The following SLC22A25 variants were observed in gnomAD, a reference collection of about 807,000 sequenced individuals.
The protein encoded by SLC22A25 is solute carrier family 22 member 25.
In SLC22A25, 44 loss-of-function variants were observed where a neutral mutation model predicts 45.9. That is an observed-to-expected ratio of 0.96 (90% CI 0.75 to 1.23). The LOEUF (loss-of-function observed/expected upper bound fraction) is 1.23. SLC22A25 is among the 50% of genes most tolerant of loss of function. The pLI is 0.00. For missense variants in SLC22A25, 800 were observed against 666.4 expected, an observed-to-expected ratio of 1.20 and a Z score of -2.21; for synonymous variants, 283 against 238.6, an observed-to-expected ratio of 1.19 and a Z score of -1.72.
chr11:63,183,646 C>A (rs190439302), intron 8 of SLC22A25, 48 bp downstream of exon 8: 21 of 1,609,238 alleles, frequency 1.3e-5, no homozygotes, highest in Non-Finnish European at 1.8e-5. Flanking sequence ...GTATAGATGA[C>A]AATTTATGTC....
chr11:63,217,495 A>C lies in SLC22A25; in HGVS notation c.662-13T>G. On this transcript the variant is annotated splice_polypyrimidine_tract_variant and intron_variant, in intron 6 of 11. Coordinates refer to ENST00000306494, the MANE Select transcript of SLC22A25 (RefSeq NM_199352.6). ...ATCCACTCTACAACTGAAAGAAAAC[A>C]CAAACAAGATTTAGCTTTAAATACA... 1 of 1,612,800 alleles carries C rather than the reference A, an allele frequency of 6.2e-7. No individual in the cohort carries two copies. Among genetic ancestry groups the C allele is most frequent in the Non-Finnish European group, 8.5e-7 (1 of 1,179,112 alleles).
intron 7 of SLC22A25, among the ~76,000 whole-genome samples, chr11:63,216,291 G>A (rs746236411): frequency 1.3e-5 from 2 of 152,068 alleles, no homozygotes; most frequent in Non-Finnish European, 2.9e-5. Context: ...AAATTCATTC[G>A]ACCATTGTGG....
chr11:63,181,838 G>A (rs544129216), intron 8 of SLC22A25, among the ~76,000 whole-genome samples: 16 of 152,186 alleles, frequency 1.1e-4, no homozygotes, highest in South Asian at 2.1e-4. Context: ...GGCAAGGTAC[G>A]TGAAGTCATG....
Position 63,228,447 on chromosome 11 carries a change from C to G in SLC22A25, c.506+14G>C. On this transcript the variant is annotated intron_variant, in intron 5 of 11. Transcript: ENST00000306494. ...AAATACCCTTGAAGAGAGCTATGCTCCATAGACACTCACCTGTCTGACAAA... is the reference window on the plus strand; with the variant it reads ...AAATACCCTTGAAGAGAGCTATGCTGCATAGACACTCACCTGTCTGACAAA... 1 of 1,562,152 alleles carries G rather than the reference C, an allele frequency of 6.4e-7. No homozygotes were observed. The highest frequency in any genetic ancestry group is 2.2e-5 in the East Asian group (1 of 44,620).
chr11:63,192,881 G>A (rs1193249706), intron 7 of SLC22A25, among the ~76,000 whole-genome samples: 2 of 152,128 alleles, frequency 1.3e-5, no homozygotes, highest in African/African-American at 4.8e-5. Flanking sequence ...CACACAATAA[G>A]AGTGGGAGAT....
chr11:63,229,337 G>T lies in SLC22A25; in HGVS notation c.316C>A (p.Pro106Thr). The change falls in exon 4 of 12, where the codon CCC becomes ACC. Residue 106 changes from proline to threonine, a missense_variant. Transcript: ENST00000306494. Reference protein sequence around the residue: ...WKLIHLNGTFPNTSEPDTEPC... With the variant: ...WKLIHLNGTFTNTSEPDTEPC... ...TCTGTATCTGGCTCACTCGTGTTGG[G>T]GAAGGTCCCATTCAGATGAATGAGC... 1 of 1,613,404 alleles carries T rather than the reference G, an allele frequency of 6.2e-7. No individual in the cohort carries two copies. Among genetic ancestry groups the T allele is most frequent in the East Asian group, 2.2e-5 (1 of 44,866 alleles).
At position 63,158,856 on chromosome 11, in the gene SLC22A25, A is replaced by C. The variant is rs1488222454; in HGVS notation, c.*4968T>G. On this transcript the variant is annotated 3_prime_UTR_variant, in exon 12 of 12. Transcript: ENST00000306494. ...ATAGTAGATCTTATTCATTCTTTCC[A>C]ACTTCCTTTTTTCCCCCCATTAACT... Among the ~76,000 whole-genome samples the C allele has an allele frequency of 6.6e-6, 1 of 152,068 alleles. No individual in the cohort carries two copies. The highest frequency in any genetic ancestry group is 1.5e-5 in the Non-Finnish European group (1 of 68,008).
intron 9 of SLC22A25, among the ~76,000 whole-genome samples, chr11:63,172,561 C>A (rs1460159786): frequency 6.6e-6 from 1 of 151,406 alleles, no homozygotes; most frequent in Non-Finnish European, 1.5e-5. Context: ...GGTCATCAGA[C>A]AAATGCAAAT....
rs563577636 is a variant in SLC22A25, at chr11:63,229,706, G to A, written c.-54C>T. The A allele has an allele frequency of 1.3e-6, 2 of 1,526,820 alleles. No individual in the cohort carries two copies. The highest frequency in any genetic ancestry group is 1.9e-5 in the Admixed American group (1 of 52,096). 94.6% of individuals were successfully genotyped at this position (1,526,820 alleles called of 1,614,324 possible). A position where few individuals can be genotyped will look rare whatever the true frequency, so the allele number is the denominator to read the frequency against. On this transcript the variant is annotated 5_prime_UTR_variant, in exon 4 of 12. Transcript: ENST00000306494. ...AGACAAAATGACTGTATCCAGATAA[G>A]TTCAAAGAGAAAATATTTCCTTTCC...
At chr11:63,194,275 C>A (rs991503983) in intron 7 of SLC22A25, among the ~76,000 whole-genome samples, 1 of 152,076 alleles carries the variant, frequency 6.6e-6, no homozygotes, top group East Asian at 1.9e-4. Flanking sequence ...CCCAACCTAG[C>A]AAAGCAGGCC....
chr11:63,212,115 G>C lies in SLC22A25; in HGVS notation c.830+5199C>G, dbSNP rs544859895. ...GAGAAATGCAAATCAAAACCACAAT[G>C]AGATACCGTCTCACACCAGTTAGAA... is the stretch of plus-strand genomic sequence containing the variant. On this transcript the variant is annotated intron_variant, in intron 7 of 11. Transcript: ENST00000306494. 2.9e-3 allele frequency among the ~76,000 whole-genome samples: 442 copies of C among 152,204 alleles called. 2 individuals are homozygous for C. Among genetic ancestry groups the C allele is most frequent in the African/African-American group, 0.01 (424 of 41,496 alleles).
intron 7 of SLC22A25, among the ~76,000 whole-genome samples, chr11:63,203,556 C>A (rs1199653362): frequency 1.3e-5 from 2 of 151,518 alleles, no homozygotes; most frequent in Non-Finnish European, 2.9e-5. Context: ...GAAAGTATAT[C>A]AGAGATTGAA....
At chr11:63,227,962 C>A (rs1565122872) in intron 5 of SLC22A25, among the ~76,000 whole-genome samples, 1 of 152,222 alleles carries the variant, frequency 6.6e-6, no homozygotes, top group Non-Finnish European at 1.5e-5. Flanking sequence ...CTTCCTCCCC[C>A]AAGTGCACAG....
chr11:63,189,879 C>G, intron 7 of SLC22A25, among the ~76,000 whole-genome samples: 1 of 152,236 alleles, frequency 6.6e-6, no homozygotes, highest in Non-Finnish European at 1.5e-5. Context: ...GGCCCCCACT[C>G]TCTTCTGGCT....
At chr11:63,177,169 T>C (rs1209865537) in intron 9 of SLC22A25, among the ~76,000 whole-genome samples, 1 of 152,044 alleles carries the variant, frequency 6.6e-6, no homozygotes, top group Non-Finnish European at 1.5e-5. Flanking sequence ...TCAAAATTCT[T>C]TTCTTTTGAT....
In SLC22A25 at chr11:63,229,607, A is replaced by G. The variant is rs1360185288; in HGVS notation, c.46T>C (p.Phe16Leu). 4 of 1,612,846 alleles carry G rather than the reference A, an allele frequency of 2.5e-6. No homozygotes were observed. The highest frequency in any genetic ancestry group is 8.5e-7 in the Non-Finnish European group (1 of 1,179,024). The part of the protein sequence containing the change: ...LLDQVGGLGR[F>L]QILQMVFLIM... ...AGGAAAACCATCTGAAGGATCTGGA[A>G]TCTCCCCAGGCCTCCAACTTGATCT... The change falls in exon 4 of 12, where the codon TTC becomes CTC. Residue 16 changes from phenylalanine (F) to leucine (L), a missense_variant. Coordinates refer to ENST00000306494, the MANE Select transcript of SLC22A25 (RefSeq NM_199352.6).
chr11:63,192,273 C>A (rs981857613), intron 7 of SLC22A25, among the ~76,000 whole-genome samples: 14 of 152,178 alleles, frequency 9.2e-5, no homozygotes, highest in African/African-American at 3.4e-4. Context: ...GATCCCTTTT[C>A]AGACAAGCAA....
rs887567232 is a variant in SLC22A25, at chr11:63,161,594, A to G, written c.*2230T>C. Reference sequence around the variant, plus strand: ...ATCTCACATGATCTGATGGTTTTATAAAAGGGAGTTTCCCTGCAAAAATTA... The same window carrying G: ...ATCTCACATGATCTGATGGTTTTATGAAAGGGAGTTTCCCTGCAAAAATTA... On this transcript the variant is annotated 3_prime_UTR_variant, in exon 12 of 12. Coordinates refer to ENST00000306494, the MANE Select transcript of SLC22A25 (RefSeq NM_199352.6). 6.6e-6 allele frequency among the ~76,000 whole-genome samples: 1 copy of G among 152,198 alleles called. No homozygotes were observed. Among genetic ancestry groups the G allele is most frequent in the Non-Finnish European group, 1.5e-5 (1 of 68,032 alleles).
At position 63,180,717 on chromosome 11, in the gene SLC22A25, C is replaced by T. The variant is rs932768275; in HGVS notation, c.1013G>A (p.Cys338Tyr). ...LEAAQKKHSL[C>Y]ELLRIPNICK... ...TATGTTGGGTATGCGGAGCAATTCA[C>T]AAAGAGAATGCTTTTTCTGTGCTGC... Residue 338 changes from cysteine (C) to tyrosine (Y), a missense_variant, in exon 9 of 12, where the codon TGT (cysteine) becomes TAT (tyrosine). Physicochemically the swap from Cys to Tyr is radical, Grantham distance 194. Coordinates refer to ENST00000306494, the MANE Select transcript of SLC22A25 (RefSeq NM_199352.6). The T allele has an allele frequency of 1.2e-5, 19 of 1,613,092 alleles. No homozygotes were observed. The highest frequency in any genetic ancestry group is 1.5e-5 in the Non-Finnish European group (18 of 1,179,534).
Sources: gnomAD v4.1 joint callset for allele counts (sites outside exome capture counted in the v4.1 genomes callset) on GRCh38, gnomAD v4.1.1 for gene constraint, MANE v1.5 for transcripts, NCBI Gene and HGNC (gene_info 2026-07-23, HGNC 2026-07-21) for gene names.